GRID1: variants seen among roughly 807,000 people sequenced by gnomAD.
GRID1 encodes the protein glutamate receptor ionotropic, delta-1.
GRID1 carries 28 observed loss-of-function variants against 98.0 expected under a neutral mutation model. That is an observed-to-expected ratio of 0.29 (90% CI 0.21 to 0.39). The LOEUF (loss-of-function observed/expected upper bound fraction) is 0.39, where lower values mean the gene tolerates loss of function less well. GRID1 is among the 10% of genes least tolerant of loss of function. GRID1 has a pLI of 1.00. For synonymous variants in GRID1, 553 were observed against 538.5 expected, an observed-to-expected ratio of 1.03 and a Z score of -0.37; for missense variants, 1,111 against 1,340.5, an observed-to-expected ratio of 0.83 and a Z score of 2.67.
intron 14 of GRID1, among the ~76,000 whole-genome samples, chr10:85,618,273 T>C (rs898392799): frequency 2.0e-5 from 3 of 152,140 alleles, no homozygotes; most frequent in African/African-American, 7.2e-5. Context: ...TGCCTTGGGG[T>C]ACATGAGCAG....
chr10:86,059,945 A>G (rs920304951), intron 4 of GRID1, among the ~76,000 whole-genome samples: 1 of 152,222 alleles, frequency 6.6e-6, no homozygotes, highest in Non-Finnish European at 1.5e-5. Flanking sequence ...CTTGTGATAA[A>G]TTCTCCAGTG....
At chr10:86,177,147 C>T (rs934841501) in intron 3 of GRID1, among the ~76,000 whole-genome samples, 2 of 151,944 alleles carry the variant, frequency 1.3e-5, no homozygotes, top group African/African-American at 4.8e-5. Flanking sequence ...ACACACCCTC[C>T]AGGAACAAGC....
chr10:85,963,642 T>A (rs1472056772), intron 4 of GRID1, among the ~76,000 whole-genome samples: 4 of 152,234 alleles, frequency 2.6e-5, no homozygotes, highest in Non-Finnish European at 4.4e-5. Flanking sequence ...TCCATATGTA[T>A]AAGACTACTC....
chr10:85,924,601 A>G (rs1841749972), intron 4 of GRID1, among the ~76,000 whole-genome samples: 1 of 152,220 alleles, frequency 6.6e-6, no homozygotes, highest in Non-Finnish European at 1.5e-5. Context: ...AATGACATTT[A>G]AAAAGATATT....
chr10:85,685,487 T>A (rs943020814), intron 12 of GRID1, among the ~76,000 whole-genome samples: 1 of 152,146 alleles, frequency 6.6e-6, no homozygotes, highest in Non-Finnish European at 1.5e-5. Context: ...TATTTCCAAG[T>A]CAATCTGTAA....
intron 5 of GRID1, among the ~76,000 whole-genome samples, chr10:85,903,390 C>T (rs1841415559): frequency 6.6e-6 from 1 of 151,986 alleles, no homozygotes. Flanking sequence ...TTATCGGCTC[C>T]CCACCCCAAA....
chr10:86,284,059 T>C (rs930329071), intron 2 of GRID1, among the ~76,000 whole-genome samples: 4 of 146,050 alleles, frequency 2.7e-5, no homozygotes, highest in African/African-American at 1.0e-4. Flanking sequence ...CACACCTGCA[T>C]ATACATACCT....
chr10:85,933,673 C>T lies in GRID1; in HGVS notation c.727-17434G>A, dbSNP rs1484848764. ...GAATTCTTGATCAAGCCCACAAGTC[C>T]ATTTTGGGCGCAGGCTCGATTTATC... is the stretch of plus-strand genomic sequence containing the variant. On this transcript the variant is annotated intron_variant, in intron 4 of 15. Transcript: ENST00000327946. 2.0e-5 allele frequency among the ~76,000 whole-genome samples: 3 copies of T among 152,158 alleles called. No homozygotes were observed. The East Asian group carries it at 5.8e-4, about 29-fold the overall frequency.
rs754989090 is a variant in GRID1, at chr10:85,729,609, C to T, written c.1239G>A (p.Ala413=). 5 of 1,607,612 alleles carry T rather than the reference C, an allele frequency of 3.1e-6. No individual in the cohort carries two copies. The highest frequency in any genetic ancestry group is 3.3e-5 in the Admixed American group (2 of 59,918). ...ETFGKDMRKL[A]TWDSEKGLNG... ...TCAAGCCCTTCTCTGAGTCCCATGT[C>T]GCCAACTGTGAAGGAAAAATAAAGA... is the stretch of plus-strand genomic sequence containing the variant. The change falls in exon 9 of 16, where the codon GCG becomes GCA. Residue 413 remains alanine, a synonymous_variant. Transcript: ENST00000327946.
At chr10:85,705,530 C>T (rs1229070465) in intron 12 of GRID1, among the ~76,000 whole-genome samples, 3 of 152,162 alleles carry the variant, frequency 2.0e-5, no homozygotes, top group African/African-American at 7.2e-5. Context: ...ACCACAGGTA[C>T]AAGGAGGAGC....
At chr10:85,976,366 A>G (rs1842472506) in intron 4 of GRID1, among the ~76,000 whole-genome samples, 1 of 152,196 alleles carries the variant, frequency 6.6e-6, no homozygotes, top group Non-Finnish European at 1.5e-5. Context: ...AAGTCAAGTG[A>G]TTTTAAGGCA....
chr10:86,197,352 G>C (rs533746489), intron 3 of GRID1, among the ~76,000 whole-genome samples: 1 of 152,188 alleles, frequency 6.6e-6, no homozygotes, highest in South Asian at 2.1e-4. Flanking sequence ...AGCCGGAGCT[G>C]GAAGGCAGCA....
chr10:85,857,127 C>T (rs570582199), intron 6 of GRID1, among the ~76,000 whole-genome samples: 30 of 152,308 alleles, frequency 2.0e-4, no homozygotes, highest in Admixed American at 1.3e-3. Flanking sequence ...GATTCTGGTG[C>T]CTGCTCTGCA....
intron 4 of GRID1, among the ~76,000 whole-genome samples, chr10:86,134,559 C>T (rs1193218066): frequency 6.6e-6 from 1 of 152,190 alleles, no homozygotes; most frequent in Non-Finnish European, 1.5e-5. Flanking sequence ...AAGAACACAT[C>T]AGTCCTGAAG....
intron 5 of GRID1, among the ~76,000 whole-genome samples, chr10:85,897,242 C>T (rs1841305732): frequency 6.6e-6 from 1 of 152,192 alleles, no homozygotes; most frequent in African/African-American, 2.4e-5. Flanking sequence ...TATACACACA[C>T]CCAGACACAC....
intron 2 of GRID1, among the ~76,000 whole-genome samples, chr10:86,290,467 C>A (rs912745841): frequency 1.3e-5 from 2 of 152,052 alleles, no homozygotes; most frequent in African/African-American, 4.8e-5. Context: ...GCCAACATAG[C>A]AAAACTCCAT....
chr10:85,618,265 C>T (rs1472736269), intron 14 of GRID1, among the ~76,000 whole-genome samples: 1 of 152,098 alleles, frequency 6.6e-6, no homozygotes, highest in Non-Finnish European at 1.5e-5. Context: ...ATGAGCGCTG[C>T]CTTGGGGTAC....
chr10:85,839,331 A>C (rs995654505), intron 8 of GRID1, among the ~76,000 whole-genome samples: 23 of 152,240 alleles, frequency 1.5e-4, no homozygotes, highest in African/African-American at 5.5e-4. Context: ...AAAACAACAG[A>C]ATAAACATCT....
intron 12 of GRID1, among the ~76,000 whole-genome samples, chr10:85,722,128 A>C (rs772663711): frequency 6.6e-6 from 1 of 152,192 alleles, no homozygotes; most frequent in East Asian, 1.9e-4. Context: ...TCTTTTCAAT[A>C]GCTAGTTGAG....
Sources: gnomAD v4.1 joint callset for allele counts (sites outside exome capture counted in the v4.1 genomes callset) on GRCh38, gnomAD v4.1.1 for gene constraint, MANE v1.5 for transcripts, NCBI Gene and HGNC (gene_info 2026-07-23, HGNC 2026-07-21) for gene names.